The following OLFM1 variants were observed in gnomAD, a reference collection of about 807,000 sequenced individuals.
OLFM1 encodes the protein noelin.
In OLFM1, 9 loss-of-function variants were observed where a neutral mutation model predicts 49.7. The observed-to-expected ratio is 0.18, with a 90% CI of 0.11 to 0.32. OLFM1 has a LOEUF of 0.32. Among genes scored for constraint, OLFM1 ranks in the 10% least tolerant of loss-of-function variants. The probability of loss-of-function intolerance (pLI) is 1.00; values close to 1 mark genes in which losing one functional copy is unlikely to be tolerated. For synonymous variants in OLFM1, 240 were observed against 271.8 expected (o/e 0.88, Z 1.15); for missense variants, 369 against 661.8 (o/e 0.56, Z 4.85).
intron 1 of OLFM1, among the ~76,000 whole-genome samples, chr9:135,079,580 G>T (rs1057080061): frequency 6.6e-6 from 1 of 152,110 alleles, no homozygotes; most frequent in Admixed American, 6.5e-5. Context: ...ACTCCAGCCT[G>T]GGCGACAGAG....
chr9:135,078,867 G>T (rs1057506845), intron 1 of OLFM1, among the ~76,000 whole-genome samples: 5 of 152,178 alleles, frequency 3.3e-5, no homozygotes, highest in African/African-American at 1.2e-4. Flanking sequence ...GATCCCACCA[G>T]ACACTGGCTG....
intron 1 of OLFM1, chr9:135,076,492 C>A: frequency 1.5e-6 from 2 of 1,345,262 alleles, no homozygotes; most frequent in Non-Finnish European, 2.0e-6. Flanking sequence ...AAGGTCTCTG[C>A]TTGGTATTCT....
In OLFM1 at chr9:135,095,515, C is replaced by CAA. The variant is rs145823718; in HGVS notation, c.301-334_301-333dup. Among the ~76,000 whole-genome samples, 205 of 119,254 alleles carry CAA rather than the reference C, an allele frequency of 1.7e-3. 1 individual carries two copies. Among genetic ancestry groups the CAA allele is most frequent in the African/African-American group, 3.0e-3 (90 of 29,852 alleles). 78.2% of individuals were successfully genotyped at this position (119,254 alleles called of 152,430 possible). A position where few individuals can be genotyped will look rare whatever the true frequency, so the allele number is the denominator to read the frequency against. On this transcript the variant is annotated intron_variant, in intron 2 of 5. Coordinates refer to ENST00000371793, the MANE Select transcript of OLFM1 (RefSeq NM_001282611.2). Reference sequence around the variant, plus strand: ...AGGAACAATCCCCACCCACCACTACCAAAAAAAAAAAAAAAAGAGAGAGAG... The same window carrying CAA: ...AGGAACAATCCCCACCCACCACTACCAAAAAAAAAAAAAAAAAAGAGAGAGAG...
At position 135,113,311 on chromosome 9, in the gene OLFM1, A is replaced by C. The variant is rs1304474456; in HGVS notation, c.784-6193A>C. ...GCTGACCCTACCGCCACGTCCCCAC[A>C]GGTGGTCTTATGGCCTTCTTCCTTT... On this transcript the variant is annotated intron_variant, in intron 5 of 5. Transcript: ENST00000371793. This position sits in a 1 kb window ranked among gnomAD's most constrained non-coding sequence, Gnocchi z 4.0. Among the ~76,000 whole-genome samples the C allele has an allele frequency of 2.0e-5, 3 of 152,076 alleles. No homozygotes were observed. The highest frequency in any genetic ancestry group is 4.4e-5 in the Non-Finnish European group (3 of 68,018).
intron 1 of OLFM1, among the ~76,000 whole-genome samples, chr9:135,077,850 A>G (rs1487365777): frequency 6.6e-6 from 1 of 152,210 alleles, no homozygotes; most frequent in Admixed American, 6.5e-5. Context: ...GGGATTTTGG[A>G]AAAAAGCCTC....
At position 135,080,244 on chromosome 9, in the gene OLFM1, C is replaced by T. The variant is rs1464807551; in HGVS notation, c.96+4442C>T. Among the ~76,000 whole-genome samples, 4 of 152,012 alleles carry T rather than the reference C, an allele frequency of 2.6e-5. No individual in the cohort carries two copies. The highest frequency in any genetic ancestry group is 9.7e-5 in the African/African-American group (4 of 41,378). The stretch of plus-strand genomic sequence containing the variant: ...GTGGTCTGGATGAGCTGTCTTGTCC[C>T]CCTGCCAGGCCCTCTTCCCCTCCAG... On this transcript the variant is annotated intron_variant, in intron 1 of 5. Coordinates refer to the OLFM1 transcript ENST00000252854. This position sits in a 1 kb window ranked among gnomAD's most constrained non-coding sequence, Gnocchi z 4.5.
chr9:135,099,728 T>C (rs1252494449), intron 4 of OLFM1, among the ~76,000 whole-genome samples: 1 of 152,230 alleles, frequency 6.6e-6, no homozygotes, highest in African/African-American at 2.4e-5. Context: ...TCACGGGGGC[T>C]GCTAACTGCA....
intron 1 of OLFM1, chr9:135,076,621 AG>A: frequency 9.2e-7 from 1 of 1,091,706 alleles, no homozygotes; most frequent in Non-Finnish European, 1.3e-6. Flanking sequence ...CTGCCAGCCG[AG>A]GGAGCCGGGC....
chr9:135,106,699 C>A, intron 4 of OLFM1, 50 bp from the exon 5 acceptor site: 1 of 1,469,442 alleles, frequency 6.8e-7, no homozygotes. Flanking sequence ...GTCATCACCG[C>A]GGGCCGGGGC....
At chr9:135,091,675 T>TCA (rs1259654065) in intron 2 of OLFM1, among the ~76,000 whole-genome samples, 2 of 33,014 alleles carry the variant, frequency 6.1e-5, no homozygotes, top group South Asian at 1.0e-3. Context: ...AGTCACACAC[T>TCA]CACACATAGT....
upstream of OLFM1, chr9:135,087,404 G>A (rs1210091664): frequency 3.4e-5 from 52 of 1,546,386 alleles, no homozygotes; most frequent in Non-Finnish European, 4.5e-5. Context: ...GGAGGGCCGC[G>A]GGCCGTGCCC....
intron 5 of OLFM1, 87 bp from the exon 6 acceptor site, chr9:135,119,417 A>C: frequency 8.7e-7 from 1 of 1,148,246 alleles, no homozygotes; most frequent in Non-Finnish European, 1.3e-6. Flanking sequence ...TGGAGTACTC[A>C]CTGGATCTTT....
chr9:135,091,574 C>G (rs796843186), intron 2 of OLFM1, among the ~76,000 whole-genome samples: 1 of 139,624 alleles, frequency 7.2e-6, no homozygotes, highest in African/African-American at 3.0e-5. Flanking sequence ...CACACACACA[C>G]AGTCACACAC....
chr9:135,110,171 G>A (rs78344216), intron 5 of OLFM1, among the ~76,000 whole-genome samples: 1,691 of 152,258 alleles, frequency 0.011, 24 homozygotes, highest in South Asian at 0.055. Context: ...AACCTGATGC[G>A]TGAATGCCCT....
intron 4 of OLFM1, among the ~76,000 whole-genome samples, chr9:135,104,748 C>G (rs1297591848): frequency 6.6e-6 from 1 of 152,190 alleles, no homozygotes; most frequent in Non-Finnish European, 1.5e-5. Context: ...GCTGTCTCCC[C>G]CGAAGCCCAG....
chr9:135,089,426 G>A (rs1429753977), intron 1 of OLFM1, among the ~76,000 whole-genome samples: 1 of 152,194 alleles, frequency 6.6e-6, no homozygotes, highest in African/African-American at 2.4e-5. Context: ...TGGCAGGGCT[G>A]GGCTGCAAGG....
intron 5 of OLFM1, among the ~76,000 whole-genome samples, chr9:135,118,727 C>A (rs1831136514): frequency 6.8e-6 from 1 of 147,920 alleles, no homozygotes; most frequent in African/African-American, 2.5e-5. Context: ...CTCTGGAGTA[C>A]TCACTGGGTC....
At chr9:135,075,983 G>A (rs537405608) in intron 1 of OLFM1, 1 of 1,430,050 alleles carries the variant, frequency 7.0e-7, no homozygotes, top group Non-Finnish European at 9.1e-7. Context: ...GGGAGGGAGG[G>A]GTGCAGGCTG....
At chr9:135,076,965 C>G (rs1830474670) in intron 1 of OLFM1, 1 of 1,550,628 alleles carries the variant, frequency 6.4e-7, no homozygotes, top group Non-Finnish European at 8.7e-7. Context: ...AAATCCCAAT[C>G]CAGCAGTGGG....
Sources: allele counts gnomAD v4.1 joint callset (sites outside exome capture counted in the v4.1 genomes callset), GRCh38; gene constraint gnomAD v4.1.1; non-coding constraint Gnocchi (gnomAD v3.1); transcripts MANE v1.5; gene names NCBI Gene and HGNC (gene_info 2026-07-23, HGNC 2026-07-21).